ANKS1B: variants seen among roughly 807,000 people sequenced by gnomAD.
ANKS1B encodes the protein ankyrin repeat and sterile alpha motif domain containing 1B, also known as ankyrin repeat and sterile alpha motif domain-containing protein 1B.
ANKS1B carries 36 observed loss-of-function variants against 148.3 expected under a neutral mutation model. The observed-to-expected ratio is 0.24, with a 90% CI of 0.19 to 0.32. The LOEUF is 0.32. ANKS1B is among the 10% of genes least tolerant of loss of function. ANKS1B has a pLI of 1.00. For synonymous variants in ANKS1B, 542 were observed against 560.8 expected, an observed-to-expected ratio of 0.97 and a Z score of 0.47; for missense variants, 1,157 against 1,542.6, an observed-to-expected ratio of 0.75 and a Z score of 4.19.
chr12:99,539,741 T>C (rs559213442), intron 9 of ANKS1B, among the ~76,000 whole-genome samples: 3 of 152,150 alleles, frequency 2.0e-5, no homozygotes, highest in Non-Finnish European at 2.9e-5. Context: ...GTTTTGCTTT[T>C]TTGTTTTCTT....
intron 12 of ANKS1B, among the ~76,000 whole-genome samples, chr12:99,383,317 C>T (rs1181271425): frequency 6.6e-6 from 1 of 152,148 alleles, no homozygotes; most frequent in Admixed American, 6.6e-5. Context: ...CCGATTTACC[C>T]TGTGGTTAGG....
At chr12:99,670,169 G>A (rs180796865) in intron 8 of ANKS1B, among the ~76,000 whole-genome samples, 124 of 152,074 alleles carry the variant, frequency 8.2e-4, no homozygotes, top group Middle Eastern at 3.4e-3. Context: ...ACTTCTTACC[G>A]GCTAAATAAT....
rs1380307391 is a variant in ANKS1B, at chr12:99,553,797, AG to A, written c.1273-49157del. ...TCTCTCCTCCTCTCCAAACCCTTGTAGTTGCAGTGGAATTGACCCGAGGCCT... is the reference window on the plus strand; with the variant it reads ...TCTCTCCTCCTCTCCAAACCCTTGTATTGCAGTGGAATTGACCCGAGGCCT... On this transcript the variant is annotated intron_variant, in intron 9 of 26. Coordinates refer to ENST00000683438, the MANE Select transcript of ANKS1B (RefSeq NM_001352186.2). 2.0e-5 allele frequency among the ~76,000 whole-genome samples: 3 copies of A among 152,134 alleles called. No individual in the cohort carries two copies. The East Asian group carries it at 5.8e-4, about 29-fold the overall frequency.
At chr12:98,820,576 AGT>A (rs1262908968) in intron 19 of ANKS1B, among the ~76,000 whole-genome samples, 1 of 152,240 alleles carries the variant, frequency 6.6e-6, no homozygotes, top group Non-Finnish European at 1.5e-5. Context: ...ACTACGGAAG[AGT>A]GAGGCATTGC....
Position 99,383,291 on chromosome 12 carries a change from G to C in ANKS1B, c.1756+16340C>G, listed in dbSNP as rs537903646. 1.3e-5 allele frequency among the ~76,000 whole-genome samples: 2 copies of C among 152,110 alleles called. 1 individual carries two copies. Among genetic ancestry groups the C allele is most frequent in the South Asian group, 4.1e-4 (2 of 4,820 alleles). On this transcript the variant is annotated intron_variant, in intron 12 of 26. Transcript: ENST00000683438. Reference sequence around the variant, plus strand: ...CCCCTACTATGGGATAAGCAGAAAAGAGCCACATTTCAGACCCGATTTACC... The same window carrying C: ...CCCCTACTATGGGATAAGCAGAAAACAGCCACATTTCAGACCCGATTTACC...
chr12:98,832,032 G>C lies in ANKS1B; in HGVS notation c.2883C>G (p.Leu961=). Residue 961 remains leucine, a synonymous_variant, in exon 18 of 27, where the codon CTC becomes CTG. Coordinates refer to ENST00000683438, the MANE Select transcript of ANKS1B (RefSeq NM_001352186.2). ...PPQKPPRSIT[L]REPSGNHTPP... Reference sequence around the variant, plus strand: ...GATGAATGTGCTTGGCACTTACCCTGAGGGTGATGGACCGAGGGGGCTTCT... The same window carrying C: ...GATGAATGTGCTTGGCACTTACCCTCAGGGTGATGGACCGAGGGGGCTTCT... 6.3e-7 allele frequency: 1 copy of C among 1,587,176 alleles called. No homozygotes were observed. Among genetic ancestry groups the C allele is most frequent in the Non-Finnish European group, 8.6e-7 (1 of 1,166,062 alleles).
At chr12:99,116,314 G>T (rs984573991) in intron 15 of ANKS1B, among the ~76,000 whole-genome samples, 2 of 152,092 alleles carry the variant, frequency 1.3e-5, no homozygotes, top group African/African-American at 2.4e-5. Flanking sequence ...CAGGGTGTTG[G>T]CTCAGGATAG....
intron 12 of ANKS1B, among the ~76,000 whole-genome samples, chr12:99,316,357 G>A (rs188234234): frequency 1.3e-4 from 20 of 151,720 alleles, no homozygotes; most frequent in South Asian, 8.3e-4. Flanking sequence ...TTTAATGATC[G>A]CCATTTTAAC....
intron 12 of ANKS1B, among the ~76,000 whole-genome samples, chr12:99,328,840 T>A (rs2131164): frequency 0.27 from 40,931 of 151,634 alleles, 8,899 homozygotes; most frequent in African/African-American, 0.61. Context: ...ATATTGAAAC[T>A]TACATCAAAA....
intron 11 of ANKS1B, among the ~76,000 whole-genome samples, chr12:99,410,125 C>T (rs965293115): frequency 6.6e-6 from 1 of 152,076 alleles, no homozygotes; most frequent in African/African-American, 2.4e-5. Flanking sequence ...CATTTTTTAT[C>T]GTTTTTTAGA....
intron 9 of ANKS1B, among the ~76,000 whole-genome samples, chr12:99,645,977 T>C (rs938753044): frequency 5.4e-5 from 8 of 147,890 alleles, no homozygotes; most frequent in Admixed American, 2.0e-4. Context: ...CTAAGACAAA[T>C]ATCTTGTCAT....
chr12:98,866,649 C>T (rs1386847607), intron 17 of ANKS1B, among the ~76,000 whole-genome samples: 1 of 152,212 alleles, frequency 6.6e-6, no homozygotes, highest in African/African-American at 2.4e-5. Context: ...GACACTGCTT[C>T]CTCCTCATAA....
chr12:98,778,045 C>T (rs1337513249), intron 24 of ANKS1B, among the ~76,000 whole-genome samples: 1 of 152,212 alleles, frequency 6.6e-6, no homozygotes, highest in Non-Finnish European at 1.5e-5. Context: ...CAGGGCAGCA[C>T]TGAGCCAAGG....
At chr12:99,162,597 G>C (rs922160268) in intron 14 of ANKS1B, among the ~76,000 whole-genome samples, 2 of 151,786 alleles carry the variant, frequency 1.3e-5, no homozygotes, top group African/African-American at 2.4e-5. Flanking sequence ...TAATAAACTG[G>C]TATGTATATT....
intron 19 of ANKS1B, among the ~76,000 whole-genome samples, chr12:98,826,139 G>A (rs1332514773): frequency 6.6e-6 from 1 of 152,258 alleles, no homozygotes; most frequent in East Asian, 1.9e-4. Context: ...TCATTCAGAT[G>A]TATTTATATC....
chr12:98,844,455 C>A (rs1449439087), intron 17 of ANKS1B, among the ~76,000 whole-genome samples: 1 of 152,200 alleles, frequency 6.6e-6, no homozygotes, highest in Non-Finnish European at 1.5e-5. Context: ...TGGCAACAAT[C>A]CCTGCATCAT....
At chr12:99,354,638 A>G (rs969185713) in intron 12 of ANKS1B, among the ~76,000 whole-genome samples, 15 of 152,110 alleles carry the variant, frequency 9.9e-5, no homozygotes, top group African/African-American at 3.4e-4. Context: ...TGAATACAAT[A>G]AATGCTAAAA....
intron 11 of ANKS1B, among the ~76,000 whole-genome samples, chr12:99,428,299 C>T (rs1172004916): frequency 6.6e-6 from 1 of 152,052 alleles, no homozygotes; most frequent in East Asian, 1.9e-4. Context: ...AAGTAAGGAG[C>T]AGGGTGGATG....
intron 17 of ANKS1B, among the ~76,000 whole-genome samples, chr12:98,993,122 A>G: frequency 6.6e-6 from 1 of 152,186 alleles, no homozygotes; most frequent in Non-Finnish European, 1.5e-5. Flanking sequence ...TGGGTAATAG[A>G]AAAGGCTGTT....
Sources: allele counts gnomAD v4.1 joint callset (sites outside exome capture counted in the v4.1 genomes callset), GRCh38; gene constraint gnomAD v4.1.1; transcripts MANE v1.5; gene names NCBI Gene and HGNC (gene_info 2026-07-23, HGNC 2026-07-21).